DCUN1D5: variants seen among roughly 807,000 people sequenced by gnomAD.
DCUN1D5 encodes the protein DCN1-like protein 5.
A neutral mutation model predicts 38.3 loss-of-function variants in DCUN1D5; 10 were observed. The ratio of observed to expected loss-of-function variants is 0.26; its 90% CI spans 0.16 to 0.44. The LOEUF is 0.44. Among genes scored for constraint, DCUN1D5 ranks in the 20% least tolerant of loss-of-function variants. The pLI, the probability that DCUN1D5 is intolerant of heterozygous loss-of-function variation, is 1.00. For missense variants in DCUN1D5, 148 were observed against 275.3 expected (o/e 0.54, Z 3.27); for synonymous variants, 93 against 90.9 (o/e 1.02, Z -0.13).
chr11:103,062,694 T>G lies in DCUN1D5; in HGVS notation c.659-280A>C, dbSNP rs1299041877. Among the ~76,000 whole-genome samples the G allele has an allele frequency of 6.6e-6, 1 of 152,126 alleles. No homozygotes were observed. The highest frequency in any genetic ancestry group is 6.5e-5 in the Admixed American group (1 of 15,268). On this transcript the variant is annotated intron_variant, in intron 7 of 7. Coordinates refer to ENST00000260247, the MANE Select transcript of DCUN1D5 (RefSeq NM_032299.4). This position sits in a 1 kb window ranked among gnomAD's most constrained non-coding sequence, Gnocchi z 4.6. ...GTCAATACAAATCTCTCCCTTTTTC[T>G]AAGTGTCCATAGCATTCTGGCATTT...
Position 103,066,234 on chromosome 11 carries a change from A to C in DCUN1D5, c.555+35T>G, listed in dbSNP as rs888436784. On this transcript the variant is annotated intron_variant, in intron 6 of 7. Coordinates refer to ENST00000260247, the MANE Select transcript of DCUN1D5 (RefSeq NM_032299.4). The surrounding 1 kb of genome is among the most constrained non-coding windows in gnomAD (Gnocchi z 4.7). The stretch of plus-strand genomic sequence containing the variant: ...GTATAACTTTCAGATTAAGTTTTAA[A>C]ATAATATTTTCAAAATTCGAAAAAA... The C allele has an allele frequency of 6.0e-6, 8 of 1,334,160 alleles. No homozygotes were observed. In the African/African-American group the frequency reaches 1.0e-4, roughly 17 times the overall value. The allele number at this position is 1,334,160 out of a possible 1,614,324, so 82.6% of individuals were successfully genotyped here.
Position 103,086,060 on chromosome 11 carries a change from A to G in DCUN1D5, c.179-2734T>C, listed in dbSNP as rs1862698198. The stretch of plus-strand genomic sequence containing the variant: ...TAATACCATAGTAACAAGTTTAGTG[A>G]TATTTTCAAAACTAAAAGAAAAACA... On this transcript the variant is annotated intron_variant, in intron 2 of 7. Coordinates refer to ENST00000260247, the MANE Select transcript of DCUN1D5 (RefSeq NM_032299.4). The surrounding 1 kb of genome is among the most constrained non-coding windows in gnomAD (Gnocchi z 4.1). Among the ~76,000 whole-genome samples, 1 of 152,178 alleles carries G rather than the reference A, an allele frequency of 6.6e-6. No homozygotes were observed. Among genetic ancestry groups the G allele is most frequent in the African/African-American group, 2.4e-5 (1 of 41,434 alleles).
intron 4 of DCUN1D5, among the ~76,000 whole-genome samples, chr11:103,069,685 T>G (rs1862223531): frequency 6.6e-6 from 1 of 152,090 alleles, no homozygotes; most frequent in African/African-American, 2.4e-5. Context: ...AAAGCATCAG[T>G]AAAAGCGTAG....
rs1002547497 is a variant in DCUN1D5 at position 103,083,063 on chromosome 11, C to T, written c.249+193G>A. On this transcript the variant is annotated intron_variant, in intron 3 of 7. Coordinates refer to ENST00000260247, the MANE Select transcript of DCUN1D5 (RefSeq NM_032299.4). This position sits in a 1 kb window ranked among gnomAD's most constrained non-coding sequence, Gnocchi z 4.4. Reference sequence around the variant, plus strand: ...GAAGGTAGAATCTCTTATTCTATTACATATAACATTTGTATCAAGAAAGAA... The same window carrying T: ...GAAGGTAGAATCTCTTATTCTATTATATATAACATTTGTATCAAGAAAGAA... Among the ~76,000 whole-genome samples the T allele has an allele frequency of 1.3e-5, 2 of 151,974 alleles. No individual in the cohort carries two copies. Among genetic ancestry groups the T allele is most frequent in the East Asian group, 3.8e-4 (2 of 5,200 alleles).
At chr11:103,089,417 G>GTT (rs59324738) in intron 1 of DCUN1D5, 99 bp from the exon 2 acceptor site, 56,391 of 941,510 alleles carry the variant, frequency 0.06, 1,762 homozygotes, top group African/African-American at 0.22. Flanking sequence ...TTAAACAAAG[G>GTT]TTTTTTTTTT....
At chr11:103,067,849 G>GT (rs993714188) in intron 4 of DCUN1D5, among the ~76,000 whole-genome samples, 7 of 151,936 alleles carry the variant, frequency 4.6e-5, no homozygotes, top group East Asian at 1.9e-4. Context: ...CTCCTTGCTA[G>GT]TTTTTTTAAC....
chr11:103,079,782 CAAAA>C (rs199623565), intron 4 of DCUN1D5: 4 of 119,982 alleles, frequency 3.3e-5, no homozygotes, highest in East Asian at 2.6e-4. Flanking sequence ...GACCCTGTCT[CAAAA>C]AAAAAAAAAA....
chr11:103,062,593 C>G lies in DCUN1D5; in HGVS notation c.659-179G>C, dbSNP rs958255274. ...TTCTTATTAGCCTTTTCTTTTTTGC[C>G]CTTAAAGACACAAGGAACAATGGTA... is the stretch of plus-strand genomic sequence containing the variant. On this transcript the variant is annotated intron_variant, in intron 7 of 7. Coordinates refer to ENST00000260247, the MANE Select transcript of DCUN1D5 (RefSeq NM_032299.4). The surrounding 1 kb of genome is among the most constrained non-coding windows in gnomAD (Gnocchi z 4.6). Among the ~76,000 whole-genome samples, 6 of 151,842 alleles carry G rather than the reference C, an allele frequency of 4.0e-5. No individual in the cohort carries two copies. Among genetic ancestry groups the G allele is most frequent in the African/African-American group, 1.5e-4 (6 of 41,350 alleles).
At position 103,070,518 on chromosome 11, in the gene DCUN1D5, A is replaced by G. The variant is rs142079326; in HGVS notation, c.342-3951T>C. Among the ~76,000 whole-genome samples the G allele has an allele frequency of 3.9e-3, 600 of 152,308 alleles. 2 individuals carry two copies. Among genetic ancestry groups the G allele is most frequent in the African/African-American group, 0.014 (575 of 41,578 alleles). ...TCCATCAGAAAGACATAGCAATCCT[A>G]AACAATTCTAAGCAATCCTATACAC... On this transcript the variant is annotated intron_variant, in intron 4 of 7. Coordinates refer to ENST00000260247, the MANE Select transcript of DCUN1D5 (RefSeq NM_032299.4).
Position 103,066,622 on chromosome 11 carries a change from T to A in DCUN1D5, c.342-55A>T. 9.1e-7 allele frequency: 1 copy of A among 1,103,804 alleles called. No individual in the cohort carries two copies. The highest frequency in any genetic ancestry group is 1.4e-6 in the Non-Finnish European group (1 of 729,258). 68.4% of individuals were successfully genotyped at this position (1,103,804 alleles called of 1,614,324 possible). A position where few individuals can be genotyped will look rare whatever the true frequency, so the allele number is the denominator to read the frequency against. Reference sequence around the variant, plus strand: ...CATAATCAAGAAAATCAAATAAAAGTATCACTGGGGGTTAGACGTAATGCA... The same window carrying A: ...CATAATCAAGAAAATCAAATAAAAGAATCACTGGGGGTTAGACGTAATGCA... On this transcript the variant is annotated intron_variant, in intron 4 of 7. Transcript: ENST00000260247. This position sits in a 1 kb window ranked among gnomAD's most constrained non-coding sequence, Gnocchi z 4.7.
intron 4 of DCUN1D5, among the ~76,000 whole-genome samples, chr11:103,072,928 T>G (rs867507771): frequency 6.6e-6 from 1 of 152,012 alleles, no homozygotes; most frequent in African/African-American, 2.4e-5. Context: ...ATAAAAGATA[T>G]ATAGATCAGA....
intron 4 of DCUN1D5, chr11:103,080,132 T>G (rs942700173): frequency 6.6e-6 from 1 of 152,236 alleles, no homozygotes; most frequent in African/African-American, 2.4e-5. Context: ...ACTACCAGAC[T>G]GTTTCTATTT....
chr11:103,056,318 A>G lies in DCUN1D5; in HGVS notation c.*6041T>C, dbSNP rs902523160. ...ATTTTCTAATTCTCCCTAAAATGCT[A>G]TTATTGTTCACTACAGTCACACTGA... On this transcript the variant is annotated 3_prime_UTR_variant, in exon 8 of 8. Transcript: ENST00000260247. This position sits in a 1 kb window ranked among gnomAD's most constrained non-coding sequence, Gnocchi z 4.9. Among the ~76,000 whole-genome samples the G allele has an allele frequency of 7.9e-5, 12 of 152,272 alleles. No individual in the cohort carries two copies. In the East Asian group the frequency reaches 2.3e-3, roughly 29 times the overall value.
chr11:103,072,506 C>T (rs1232015651), intron 4 of DCUN1D5, among the ~76,000 whole-genome samples: 1 of 152,038 alleles, frequency 6.6e-6, no homozygotes, highest in East Asian at 1.9e-4. Context: ...GACTTGGAAC[C>T]ATCCCAAATG....
chr11:103,054,028 AC>A lies in DCUN1D5; in HGVS notation c.*8330del, dbSNP rs923324803. On this transcript the variant is annotated 3_prime_UTR_variant, in exon 8 of 8. Transcript: ENST00000260247. ...CTAAAAGGACTAGGGGTGCAAGAGG[AC>A]CATGTATGGGAAAACTTTCCAGGTG... is the stretch of plus-strand genomic sequence containing the variant. 1.3e-5 allele frequency: 2 copies of A among 152,182 alleles called. No homozygotes were observed. Among genetic ancestry groups the A allele is most frequent in the African/African-American group, 4.8e-5 (2 of 41,450 alleles). The allele number at this position is 152,182 out of a possible 1,614,324, so 9.4% of individuals were successfully genotyped here. A position where few individuals can be genotyped will look rare whatever the true frequency, so the allele number is the denominator to read the frequency against.
intron 4 of DCUN1D5, among the ~76,000 whole-genome samples, chr11:103,082,514 C>T (rs1487683548): frequency 6.6e-6 from 1 of 151,894 alleles, no homozygotes; most frequent in Non-Finnish European, 1.5e-5. Flanking sequence ...CCAAGAGAAT[C>T]AAGGAATTTT....
At position 103,077,633 on chromosome 11, in the gene DCUN1D5, C is replaced by A. The variant is rs1205628775; in HGVS notation, c.341+5115G>T. Among the ~76,000 whole-genome samples the A allele has an allele frequency of 6.6e-6, 1 of 152,122 alleles. No individual in the cohort carries two copies. The highest frequency in any genetic ancestry group is 1.9e-4 in the East Asian group (1 of 5,190). On this transcript the variant is annotated intron_variant, in intron 4 of 7. Transcript: ENST00000260247. This position sits in a 1 kb window ranked among gnomAD's most constrained non-coding sequence, Gnocchi z 4.3. ...CTGATTACAAAGGGAGGCTTTTGAA[C>A]TTGTGTTTCATTAAAGACCTTTAAA...
rs868815676 is a variant in DCUN1D5 at position 103,062,489 on chromosome 11, G to T, written c.659-75C>A. Reference sequence around the variant, plus strand: ...CAATTATAAAACAAACTCCCCACGAGCTCTGCAATGACAGAGGAATGACCC... The same window carrying T: ...CAATTATAAAACAAACTCCCCACGATCTCTGCAATGACAGAGGAATGACCC... On this transcript the variant is annotated intron_variant, in intron 7 of 7. Coordinates refer to ENST00000260247, the MANE Select transcript of DCUN1D5 (RefSeq NM_032299.4). The surrounding 1 kb of genome is among the most constrained non-coding windows in gnomAD (Gnocchi z 4.6). 1.2e-5 allele frequency: 16 copies of T among 1,285,198 alleles called. No homozygotes were observed. In the Middle Eastern group the frequency reaches 1.9e-3, roughly 152 times the overall value. The allele number at this position is 1,285,198 out of a possible 1,614,324, so 79.6% of individuals were successfully genotyped here.
intron 4 of DCUN1D5, among the ~76,000 whole-genome samples, chr11:103,067,191 G>T (rs1465611331): frequency 1.3e-5 from 2 of 152,036 alleles, no homozygotes; most frequent in Non-Finnish European, 2.9e-5. Flanking sequence ...TTAAAGACAA[G>T]ACATTAAATA....
Sources: allele counts gnomAD v4.1 joint callset (sites outside exome capture counted in the v4.1 genomes callset), GRCh38; gene constraint gnomAD v4.1.1; non-coding constraint Gnocchi (gnomAD v3.1); transcripts MANE v1.5; gene names NCBI Gene and HGNC (gene_info 2026-07-23, HGNC 2026-07-21).